Variants in PALS2 observed in about 807,000 individuals in gnomAD.
The protein encoded by PALS2 is protein PALS2.
Under a neutral mutation model 61.6 loss-of-function variants are expected in PALS2, and 27 were observed. The ratio of observed to expected loss-of-function variants is 0.44; its 90% CI spans 0.32 to 0.60. The LOEUF is 0.60. Ranked by LOEUF, PALS2 falls within the 20% of genes least tolerant of loss-of-function variation. The pLI, the probability that PALS2 is intolerant of heterozygous loss-of-function variation, is 0.05. For missense variants in PALS2, 554 were observed against 639.4 expected, an observed-to-expected ratio of 0.87 and a Z score of 1.44; for synonymous variants, 236 against 218.6, an observed-to-expected ratio of 1.08 and a Z score of -0.70.
In PALS2 at chr7:24,684,950, T is replaced by TC. The variant is rs568498022; in HGVS notation, c.1447-2486dup. The stretch of plus-strand genomic sequence containing the variant: ...GATATATCCCACTAGATTTTTTTTT[T>TC]CCTTCAACTTTTGTTTTAAGTTCCG... On this transcript the variant is annotated intron_variant, in intron 11 of 11. Coordinates refer to ENST00000222644, the MANE Select transcript of PALS2 (RefSeq NM_001303037.2). Among the ~76,000 whole-genome samples, 201 of 152,298 alleles carry TC rather than the reference T, an allele frequency of 1.3e-3. 8 individuals carry two copies. The South Asian group carries it at 0.04, about 30-fold the overall frequency.
At chr7:24,674,608 G>GCAC (rs1456007966) in intron 9 of PALS2, 1 of 152,154 alleles carries the variant, frequency 6.6e-6, no homozygotes, top group African/African-American at 2.4e-5. Context: ...CTCTTCAACA[G>GCAC]CACCATCTCC....
Position 24,687,632 on chromosome 7 carries a change from CAATGAA to C in PALS2, c.*22_*27del. ...TTTACTGATGATTCAGTAAGGTTAACAATGAAAATTAAACTCTTAAAAAGTGACTGC... is the reference window on the plus strand; with the variant it reads ...TTTACTGATGATTCAGTAAGGTTAACAATTAAACTCTTAAAAAGTGACTGC... On this transcript the variant is annotated 3_prime_UTR_variant, in exon 12 of 12. Transcript: ENST00000222644. This position sits in a 1 kb window ranked among gnomAD's most constrained non-coding sequence, Gnocchi z 4.5. 1 of 1,574,004 alleles carries C rather than the reference CAATGAA, an allele frequency of 6.4e-7. No homozygotes were observed. The highest frequency in any genetic ancestry group is 2.3e-5 in the East Asian group (1 of 43,908).
At chr7:24,628,634 A>G (rs1285085957) in intron 2 of PALS2, among the ~76,000 whole-genome samples, 2 of 152,228 alleles carry the variant, frequency 1.3e-5, no homozygotes, top group Non-Finnish European at 2.9e-5. Context: ...CTGATAAGCA[A>G]CTTCAGCAAA....
intron 1 of PALS2, among the ~76,000 whole-genome samples, chr7:24,617,589 C>T (rs773669078): frequency 6.6e-6 from 1 of 152,138 alleles, no homozygotes; most frequent in African/African-American, 2.4e-5. Flanking sequence ...TAGGTAGACC[C>T]ACTTGTGTAG....
intron 1 of PALS2, among the ~76,000 whole-genome samples, chr7:24,581,281 G>A (rs1260258576): frequency 7.0e-6 from 1 of 143,246 alleles, no homozygotes; most frequent in Non-Finnish European, 1.5e-5. Flanking sequence ...GTGTGTGTGT[G>A]TGTGTGTGTC....
At chr7:24,655,829 T>G (rs1786387359) in intron 5 of PALS2, among the ~76,000 whole-genome samples, 1 of 151,942 alleles carries the variant, frequency 6.6e-6, no homozygotes, top group Non-Finnish European at 1.5e-5. Flanking sequence ...CCTGGCTAAT[T>G]TTTATATGAT....
intron 2 of PALS2, among the ~76,000 whole-genome samples, chr7:24,635,409 G>T (rs1002023998): frequency 2.6e-5 from 4 of 152,002 alleles, no homozygotes; most frequent in Non-Finnish European, 5.9e-5. Flanking sequence ...TATATATCTT[G>T]CATCCTTGCT....
chr7:24,617,309 A>G (rs1316191562), intron 1 of PALS2, among the ~76,000 whole-genome samples: 1 of 152,052 alleles, frequency 6.6e-6, no homozygotes, highest in African/African-American at 2.4e-5. Flanking sequence ...TGAATCATGT[A>G]TCTATTATTT....
intron 8 of PALS2, among the ~76,000 whole-genome samples, chr7:24,668,187 A>G (rs907565559): frequency 6.6e-6 from 1 of 151,964 alleles, no homozygotes; most frequent in Non-Finnish European, 1.5e-5. Context: ...GCTGGGTATA[A>G]TGGCTCATAC....
At chr7:24,642,511 C>T (rs1263325417) in intron 3 of PALS2, among the ~76,000 whole-genome samples, 3 of 152,024 alleles carry the variant, frequency 2.0e-5, no homozygotes, top group South Asian at 2.1e-4. Flanking sequence ...TGGAAATCCC[C>T]GATAAATACA....
intron 5 of PALS2, among the ~76,000 whole-genome samples, chr7:24,659,872 G>C (rs148565991): frequency 1.1e-4 from 16 of 152,152 alleles, no homozygotes; most frequent in Admixed American, 6.5e-5. Context: ...TTCTCTCTCT[G>C]TGCAGCCTTT....
At chr7:24,656,015 G>A (rs950026088) in intron 5 of PALS2, among the ~76,000 whole-genome samples, 3 of 151,952 alleles carry the variant, frequency 2.0e-5, no homozygotes, top group Non-Finnish European at 2.9e-5. Context: ...GACCAAGTTC[G>A]TACACTGAAA....
intron 1 of PALS2, among the ~76,000 whole-genome samples, chr7:24,619,876 T>C (rs1484888420): frequency 6.6e-6 from 1 of 152,048 alleles, no homozygotes; most frequent in Non-Finnish European, 1.5e-5. Flanking sequence ...CTTCCCGAAA[T>C]CTCTAAGTAA....
At chr7:24,663,031 A>G (rs953778580) in intron 5 of PALS2, among the ~76,000 whole-genome samples, 8 of 152,210 alleles carry the variant, frequency 5.3e-5, no homozygotes, top group South Asian at 2.1e-4. Context: ...TTGTCTTACA[A>G]TGAATTTAAT....
chr7:24,678,665 A>T (rs1280013988), intron 9 of PALS2, among the ~76,000 whole-genome samples: 3 of 151,890 alleles, frequency 2.0e-5, no homozygotes, highest in Non-Finnish European at 4.4e-5. Context: ...AGTTGAAAAG[A>T]TACTCACTCA....
intron 1 of PALS2, among the ~76,000 whole-genome samples, chr7:24,623,463 C>G (rs1052121374): frequency 1.3e-5 from 2 of 152,046 alleles, no homozygotes; most frequent in Non-Finnish European, 2.9e-5. Context: ...ATATAAAAAT[C>G]TATCCTGCTA....
chr7:24,691,405 G>GTGTGTGTGTGTGTATATATA lies in PALS2; in HGVS notation c.*3792_*3793insGTGTGTGTGTGTATATATAT, dbSNP rs1274329385. 3.6e-5 allele frequency: 4 copies of GTGTGTGTGTGTGTATATATA among 110,596 alleles called. No individual in the cohort carries two copies. Among genetic ancestry groups the GTGTGTGTGTGTGTATATATA allele is most frequent in the South Asian group, 3.3e-4 (1 of 3,030 alleles). 6.9% of individuals were successfully genotyped at this position (110,596 alleles called of 1,614,324 possible). On this transcript the variant is annotated 3_prime_UTR_variant, in exon 12 of 12. Transcript: ENST00000222644. ...ATATTATGTATGTGTGTGTGTGTGT[G>GTGTGTGTGTGTGTATATATA]TATATATATATATATATATATATAT...
Position 24,617,437 on chromosome 7 carries a change from G to A in PALS2, c.-2-6229G>A, listed in dbSNP as rs58825465. ...TACTGTATTCCTTTGGAAGTGTCAC[G>A]TTTCTTTGTATTTTCATGTTTGATG... On this transcript the variant is annotated intron_variant, in intron 1 of 11. Coordinates refer to ENST00000222644, the MANE Select transcript of PALS2 (RefSeq NM_001303037.2). Among the ~76,000 whole-genome samples the A allele has an allele frequency of 7.6e-3, 1,155 of 152,172 alleles. 33 individuals are homozygous for A. In the East Asian group the frequency reaches 0.093, roughly 12 times the overall value.
intron 5 of PALS2, among the ~76,000 whole-genome samples, chr7:24,660,688 A>G (rs891170069): frequency 5.3e-5 from 8 of 152,232 alleles, no homozygotes; most frequent in African/African-American, 1.9e-4. Context: ...AGTCTTGTGC[A>G]TAAGTCATTT....
Sources: gnomAD v4.1 joint callset for allele counts (sites outside exome capture counted in the v4.1 genomes callset) on GRCh38, gnomAD v4.1.1 for gene constraint, Gnocchi (gnomAD v3.1) non-coding constraint, MANE v1.5 for transcripts, NCBI Gene and HGNC (gene_info 2026-07-23, HGNC 2026-07-21) for gene names.